Variants in DCLK1 observed in about 807,000 individuals in gnomAD.
DCLK1 encodes the protein doublecortin like kinase 1.
In DCLK1, 16 loss-of-function variants were observed where a neutral mutation model predicts 86.2. The observed-to-expected ratio is 0.19, with a 90% CI of 0.13 to 0.28. DCLK1 has a LOEUF of 0.28. Ranked by LOEUF, DCLK1 falls within the 10% of genes least tolerant of loss-of-function variation. DCLK1 has a pLI of 1.00. For missense variants in DCLK1, 590 were observed against 940.2 expected, an observed-to-expected ratio of 0.63 and a Z score of 4.87; for synonymous variants, 369 against 370.5, an observed-to-expected ratio of 1.00 and a Z score of 0.05.
At position 35,920,286 on chromosome 13, in the gene DCLK1, G is replaced by A. The variant is rs75738311; in HGVS notation, c.823+27072C>T. 4.4e-4 allele frequency among the ~76,000 whole-genome samples: 67 copies of A among 152,224 alleles called. 1 individual carries two copies. Among genetic ancestry groups the A allele is most frequent in the Admixed American group, 3.0e-3 (46 of 15,302 alleles). ...CCTTCACGTGTCCTTGCCTTGACAC[G>A]TATGGAGCATAGCAATGCACATAGC... On this transcript the variant is annotated intron_variant, in intron 4 of 16. Coordinates refer to ENST00000360631, the MANE Select transcript of DCLK1 (RefSeq NM_001330071.2).
At chr13:35,919,411 GTTTCAAACA>G (rs886996310) in intron 4 of DCLK1, among the ~76,000 whole-genome samples, 28 of 152,222 alleles carry the variant, frequency 1.8e-4, no homozygotes, top group Admixed American at 2.6e-4. Flanking sequence ...GCATCCAGTG[GTTTCAAACA>G]TTTTAAACAG....
At chr13:36,045,437 A>G (rs1882875477) in intron 3 of DCLK1, among the ~76,000 whole-genome samples, 1 of 147,794 alleles carries the variant, frequency 6.8e-6, no homozygotes, top group Non-Finnish European at 1.5e-5. Flanking sequence ...AAATGTATAA[A>G]TGTTTTAGAA....
chr13:35,946,494 T>C (rs1265357315), intron 4 of DCLK1, among the ~76,000 whole-genome samples: 4 of 152,260 alleles, frequency 2.6e-5, no homozygotes. Flanking sequence ...TTATTGTTAA[T>C]GCTCAAGTGT....
chr13:36,129,397 G>T (rs975177804), intron 1 of DCLK1, among the ~76,000 whole-genome samples: 1 of 152,088 alleles, frequency 6.6e-6, no homozygotes, highest in Admixed American at 6.5e-5. Context: ...TCCAGGGCAG[G>T]GCTACACCTT....
At chr13:35,855,669 C>T in intron 5 of DCLK1, 1 of 1,411,076 alleles carries the variant, frequency 7.1e-7, no homozygotes, top group Non-Finnish European at 9.4e-7. Context: ...GAATGAGATG[C>T]AGGATTCATC....
intron 3 of DCLK1, among the ~76,000 whole-genome samples, chr13:36,002,539 G>C (rs1490369859): frequency 6.6e-6 from 1 of 152,134 alleles, no homozygotes; most frequent in Non-Finnish European, 1.5e-5. Flanking sequence ...TGTTTCCACT[G>C]AGGCATTTTA....
intron 3 of DCLK1, among the ~76,000 whole-genome samples, chr13:36,041,201 T>G (rs1001482163): frequency 1.3e-5 from 2 of 152,182 alleles, no homozygotes; most frequent in African/African-American, 4.8e-5. Flanking sequence ...TAACCATCTG[T>G]GTCTATACTA....
At chr13:35,816,274 T>C (rs1316855849) in intron 11 of DCLK1, among the ~76,000 whole-genome samples, 2 of 152,196 alleles carry the variant, frequency 1.3e-5, no homozygotes, top group African/African-American at 4.8e-5. Context: ...TCACCCATAA[T>C]CTTGACACTC....
intron 3 of DCLK1, among the ~76,000 whole-genome samples, chr13:36,038,209 C>T (rs907496880): frequency 2.0e-5 from 3 of 152,198 alleles, no homozygotes; most frequent in African/African-American, 7.2e-5. Context: ...GCTTGCTAAG[C>T]TGGTAACAGT....
At chr13:36,029,677 TAGG>T (rs1882191007) in intron 3 of DCLK1, among the ~76,000 whole-genome samples, 1 of 152,192 alleles carries the variant, frequency 6.6e-6, no homozygotes, top group Admixed American at 6.5e-5. Flanking sequence ...GATGGACTAT[TAGG>T]AGGCCCAGTT....
At chr13:35,825,891 C>T (rs1299660784) in intron 10 of DCLK1, among the ~76,000 whole-genome samples, 1 of 151,834 alleles carries the variant, frequency 6.6e-6, no homozygotes, top group Non-Finnish European at 1.5e-5. Context: ...TGGCTCACTG[C>T]AACCACCACC....
At chr13:35,990,085 T>C (rs1420927294) in intron 3 of DCLK1, among the ~76,000 whole-genome samples, 1 of 152,130 alleles carries the variant, frequency 6.6e-6, no homozygotes, top group Non-Finnish European at 1.5e-5. Flanking sequence ...GTGATGAGAA[T>C]GTAAAAAGCA....
At chr13:35,871,176 T>C in intron 5 of DCLK1, 48 bp downstream of exon 5, 1 of 1,483,194 alleles carries the variant, frequency 6.7e-7, no homozygotes, top group Non-Finnish European at 9.4e-7. Context: ...CTGCTCATCC[T>C]GTGTCAGGAA....
chr13:35,933,946 C>T (rs1876611444), intron 4 of DCLK1, among the ~76,000 whole-genome samples: 1 of 152,164 alleles, frequency 6.6e-6, no homozygotes, highest in Non-Finnish European at 1.5e-5. Context: ...AACTTTTATG[C>T]TCTGTTTCCC....
At chr13:36,045,510 T>A (rs1216768170) in intron 3 of DCLK1, among the ~76,000 whole-genome samples, 1 of 151,520 alleles carries the variant, frequency 6.6e-6, no homozygotes, top group African/African-American at 2.4e-5. Context: ...TGGAATATAA[T>A]ATAGTCTTCT....
chr13:35,964,210 G>A (rs1378354203), intron 3 of DCLK1, among the ~76,000 whole-genome samples: 4 of 152,128 alleles, frequency 2.6e-5, no homozygotes, highest in Non-Finnish European at 5.9e-5. Flanking sequence ...AATTAAATTT[G>A]TAAGATAAGG....
intron 3 of DCLK1, among the ~76,000 whole-genome samples, chr13:36,011,663 G>T (rs1337859547): frequency 6.6e-6 from 1 of 152,042 alleles, no homozygotes; most frequent in Non-Finnish European, 1.5e-5. Flanking sequence ...GGTCAGTTTT[G>T]GAATAGGTAT....
chr13:36,123,890 G>A (rs1452571084), intron 2 of DCLK1, among the ~76,000 whole-genome samples: 11 of 152,150 alleles, frequency 7.2e-5, no homozygotes, highest in Non-Finnish European at 1.2e-4. Context: ...TAATTTTGCT[G>A]GTCCCTAGAT....
intron 6 of DCLK1, chr13:35,850,423 A>G: frequency 9.4e-7 from 1 of 1,065,836 alleles, no homozygotes; most frequent in Non-Finnish European, 1.1e-6. Flanking sequence ...TCTTGTACTC[A>G]ATATTGGGTC....
Sources: gnomAD v4.1 joint callset for allele counts (sites outside exome capture counted in the v4.1 genomes callset) on GRCh38, gnomAD v4.1.1 for gene constraint, MANE v1.5 for transcripts, NCBI Gene and HGNC (gene_info 2026-07-23, HGNC 2026-07-21) for gene names.